PKHD1L1: variants seen among roughly 807,000 people sequenced by gnomAD.
PKHD1L1 encodes fibrocystin-L.
PKHD1L1 carries 434 observed loss-of-function variants against 462.9 expected under a neutral mutation model. The ratio of observed to expected loss-of-function variants is 0.94; its 90% CI spans 0.87 to 1.02. The LOEUF (loss-of-function observed/expected upper bound fraction) is 1.02, where lower values mean the gene tolerates loss of function less well. Ranked by LOEUF, PKHD1L1 falls within the 50% of genes least tolerant of loss-of-function variation. The pLI, the probability that PKHD1L1 is intolerant of heterozygous loss-of-function variation, is 0.00. For synonymous variants in PKHD1L1, 1,781 were observed against 1,750.0 expected, an observed-to-expected ratio of 1.02 and a Z score of -0.44; for missense variants, 5,202 against 5,096.1, an observed-to-expected ratio of 1.02 and a Z score of -0.63.
intron 18 of PKHD1L1, among the ~76,000 whole-genome samples, chr8:109,408,457 G>A (rs951754378): frequency 2.6e-5 from 4 of 152,090 alleles, no homozygotes; most frequent in African/African-American, 9.7e-5. Flanking sequence ...GCCTTGCCCT[G>A]CCTATGTGTA....
intron 50 of PKHD1L1, chr8:109,471,230 GT>G (rs1817699393): frequency 3.4e-6 from 2 of 582,694 alleles, no homozygotes; most frequent in African/African-American, 3.9e-5. Context: ...TTTAGTAAGG[GT>G]TTTATGAGTT....
In PKHD1L1 at chr8:109,412,353, C is replaced by A. The variant is rs775032598; in HGVS notation, c.2174C>A (p.Ser725Ter). The part of the protein sequence containing the change: ...SLKNPAVLFD[S>*]ADVKPNRRPY... ...AAAAACCCAGCTGTTCTTTTTGACTCAGCAGATGTTAAACCAAACAGACGA... is the reference window on the plus strand; with the variant it reads ...AAAAACCCAGCTGTTCTTTTTGACTAAGCAGATGTTAAACCAAACAGACGA... The change falls in exon 20 of 78, where the codon TCA becomes TAA. Residue 725 changes from serine (S) to a stop codon, truncating the protein, a stop_gained. Transcript: ENST00000378402. LOFTEE classifies it high-confidence loss of function. 2 of 1,613,670 alleles carry A rather than the reference C, an allele frequency of 1.2e-6. No individual in the cohort carries two copies. Among genetic ancestry groups the A allele is most frequent in the African/African-American group, 1.3e-5 (1 of 75,022 alleles).
chr8:109,451,096 G>A lies in PKHD1L1; in HGVS notation c.6297G>A (p.Lys2099=), dbSNP rs759975619. The change falls in exon 41 of 78, where the codon AAG becomes AAA. Residue 2099 remains lysine (K), a synonymous_variant. Transcript: ENST00000378402. Reference sequence around the variant, plus strand: ...CACTCATCACTGCAGTATCTCCTAAGAGAGGCAGTACAGCAGGGGGCACCA... The same window carrying A: ...CACTCATCACTGCAGTATCTCCTAAAAGAGGCAGTACAGCAGGGGGCACCA... ...LTPLITAVSP[K]RGSTAGGTRL... is the part of the protein sequence containing the mutation. The A allele has an allele frequency of 6.2e-6, 10 of 1,613,488 alleles. No individual in the cohort carries two copies. Among genetic ancestry groups the A allele is most frequent in the Middle Eastern group, 1.6e-4 (1 of 6,070 alleles).
intron 52 of PKHD1L1, among the ~76,000 whole-genome samples, chr8:109,476,892 T>C (rs1048095785): frequency 4.6e-5 from 7 of 152,176 alleles, no homozygotes; most frequent in African/African-American, 1.7e-4. Context: ...GCTTGCACAT[T>C]GACAGTTTTA....
Position 109,527,151 on chromosome 8 carries a change from G to A in PKHD1L1, c.12721+131G>A, listed in dbSNP as rs542404249. 3.5e-5 allele frequency: 27 copies of A among 769,444 alleles called. 1 individual carries two copies. In the South Asian group the frequency reaches 4.4e-4, roughly 13 times the overall value. 47.7% of individuals were successfully genotyped at this position (769,444 alleles called of 1,614,324 possible). On this transcript the variant is annotated intron_variant, in intron 77 of 77. Coordinates refer to ENST00000378402, the MANE Select transcript of PKHD1L1 (RefSeq NM_177531.6). ...CAAAGAGAAAGTAACAGCCTCAATA[G>A]CAGAGACAAGACAACCTATGGAAAA...
chr8:109,518,456 T>TG lies in PKHD1L1; in HGVS notation c.11980dup (p.Glu3994GlyfsTer24). On this transcript the variant is annotated frameshift_variant, in exon 73 of 78. Transcript: ENST00000378402. LOFTEE classifies it high-confidence loss of function. Reference sequence around the variant, plus strand: ...GGAAGAGATCCATGGGATTCATAATTGAAATAGAGATTGGAGACCCTCCTA... The same window carrying TG: ...GGAAGAGATCCATGGGATTCATAATTGGAAATAGAGATTGGAGACCCTCCTA... 6.2e-7 allele frequency: 1 copy of TG among 1,609,226 alleles called. No homozygotes were observed. Among genetic ancestry groups the TG allele is most frequent in the Non-Finnish European group, 8.5e-7 (1 of 1,179,500 alleles).
intron 59 of PKHD1L1, among the ~76,000 whole-genome samples, chr8:109,487,727 A>C (rs1475814632): frequency 6.6e-6 from 1 of 151,626 alleles, no homozygotes; most frequent in Admixed American, 6.6e-5. Context: ...TTTAGTCAAG[A>C]ATTATGCCAG....
At chr8:109,369,105 A>C (rs2130321448) in intron 2 of PKHD1L1, among the ~76,000 whole-genome samples, 1 of 152,064 alleles carries the variant, frequency 6.6e-6, no homozygotes, top group South Asian at 2.1e-4. Context: ...CAGCCTCCCA[A>C]GTAGCAGGGT....
At chr8:109,492,085 T>C in intron 62 of PKHD1L1, 91 bp downstream of exon 62, 1 of 1,055,158 alleles carries the variant, frequency 9.5e-7, no homozygotes, top group Non-Finnish European at 1.3e-6. Context: ...AAGGAGTGAA[T>C]GCACTTTTAA....
intron 43 of PKHD1L1, among the ~76,000 whole-genome samples, chr8:109,453,465 A>T (rs1238098095): frequency 2.0e-5 from 3 of 152,196 alleles, no homozygotes; most frequent in Non-Finnish European, 4.4e-5. Flanking sequence ...CATGTAAAAG[A>T]ATCATTAATT....
chr8:109,418,056 CA>C (rs1189089922), intron 21 of PKHD1L1, among the ~76,000 whole-genome samples: 1 of 152,124 alleles, frequency 6.6e-6, no homozygotes, highest in Non-Finnish European at 1.5e-5. Context: ...CCTTTCTCTT[CA>C]AAAAATGGAA....
chr8:109,485,169 C>A lies in PKHD1L1; in HGVS notation c.9702C>A (p.His3234Gln). 26 of 1,569,508 alleles carry A rather than the reference C, an allele frequency of 1.7e-5. No individual in the cohort carries two copies. The highest frequency in any genetic ancestry group is 2.2e-5 in the Non-Finnish European group (25 of 1,157,380). The change falls in exon 58 of 78, where the codon CAC becomes CAA. Residue 3234 changes from histidine (H) to glutamine (Q), a missense_variant. His to Gln is a conservative substitution (Grantham distance 24). Coordinates refer to ENST00000378402, the MANE Select transcript of PKHD1L1 (RefSeq NM_177531.6). ...TTAATGATAGCCTTTCCTATACTCA[C>A]TTTGGTAAGTGGATGCTTTTTAACC... Reference protein sequence around the residue: ...LILNDSLSYTHFAEKYHVPGT... With the variant: ...LILNDSLSYTQFAEKYHVPGT...
intron 59 of PKHD1L1, 105 bp downstream of exon 59, chr8:109,486,926 G>GA: frequency 8.3e-7 from 1 of 1,211,714 alleles, no homozygotes; most frequent in East Asian, 2.5e-5. Context: ...GATTATGTGG[G>GA]AAAATAAAGC....
At chr8:109,402,852 A>G (rs1313734647) in intron 14 of PKHD1L1, among the ~76,000 whole-genome samples, 4 of 152,106 alleles carry the variant, frequency 2.6e-5, no homozygotes, top group Admixed American at 6.5e-5. Flanking sequence ...CTCACACTCA[A>G]TGTTCTTGCT....
intron 2 of PKHD1L1, among the ~76,000 whole-genome samples, chr8:109,374,010 C>T (rs1282643475): frequency 6.6e-6 from 1 of 152,098 alleles, no homozygotes; most frequent in Non-Finnish European, 1.5e-5. Context: ...CTGTAGATGT[C>T]TATTAGGTCC....
intron 23 of PKHD1L1, among the ~76,000 whole-genome samples, chr8:109,424,543 A>G (rs953855582): frequency 1.3e-5 from 2 of 152,212 alleles, no homozygotes; most frequent in Admixed American, 6.5e-5. Context: ...TGGGGTTACA[A>G]TCTATGAATT....
At chr8:109,418,949 C>T (rs756834961) in intron 21 of PKHD1L1, 148 bp from the exon 22 acceptor site, 20 of 554,576 alleles carry the variant, frequency 3.6e-5, no homozygotes, top group South Asian at 8.0e-5. Flanking sequence ...TGCCTTGTTA[C>T]GGCTGCTTTT....
At chr8:109,375,829 C>T (rs1011079253) in intron 2 of PKHD1L1, among the ~76,000 whole-genome samples, 63 of 152,264 alleles carry the variant, frequency 4.1e-4, no homozygotes, top group Admixed American at 3.9e-3. Flanking sequence ...ATTTGTGAAC[C>T]GCAGATGCTG....
chr8:109,497,672 C>G (rs186342862), intron 65 of PKHD1L1, among the ~76,000 whole-genome samples: 4,293 of 152,172 alleles, frequency 0.028, 127 homozygotes, highest in African/African-American at 0.073. Flanking sequence ...GTGATCCGCC[C>G]ACATCGGCCT....
Sources: gnomAD v4.1 joint callset for allele counts (sites outside exome capture counted in the v4.1 genomes callset) on GRCh38, gnomAD v4.1.1 for gene constraint, MANE v1.5 for transcripts, NCBI Gene and HGNC (gene_info 2026-07-23, HGNC 2026-07-21) for gene names.